The following WDR62 variants were observed in gnomAD, a reference collection of about 807,000 sequenced individuals.
The protein encoded by WDR62 is WD repeat domain 62.
Under a neutral mutation model 160.6 loss-of-function variants are expected in WDR62, and 112 were observed. The observed-to-expected ratio is 0.70, with a 90% CI of 0.60 to 0.82. The LOEUF (loss-of-function observed/expected upper bound fraction) is 0.82. WDR62 is among the 40% of genes least tolerant of loss of function. The pLI is 0.00. For synonymous variants in WDR62, 792 were observed against 815.1 expected (o/e 0.97, Z 0.48); for missense variants, 1,819 against 1,983.8 (o/e 0.92, Z 1.58).
At chr19:36,064,798 G>A (rs926819358) in intron 3 of WDR62, among the ~76,000 whole-genome samples, 9 of 149,706 alleles carry the variant, frequency 6.0e-5, no homozygotes, top group African/African-American at 1.2e-4. Flanking sequence ...GGCTGTTCGC[G>A]AATTCCTGAC....
intron 7 of WDR62, 44 bp downstream of exon 7, chr19:36,068,054 G>A (rs371922352): frequency 1.4e-4 from 223 of 1,586,364 alleles, no homozygotes; most frequent in East Asian, 3.0e-4. Context: ...ACTCTTTCTC[G>A]TGATATGTGT....
At position 36,102,938 on chromosome 19, in the gene WDR62, C is replaced by T; in HGVS notation, c.3336-10C>T. On this transcript the variant is annotated splice_polypyrimidine_tract_variant and intron_variant, in intron 27 of 31. Coordinates refer to ENST00000401500, the MANE Select transcript of WDR62 (RefSeq NM_001083961.2). ...AATGAGAATCATCCCCCCTGCTCTCCTCCCCACAGGTTCACCCATACCTTC... is the reference window on the plus strand; with the variant it reads ...AATGAGAATCATCCCCCCTGCTCTCTTCCCCACAGGTTCACCCATACCTTC... 2 of 1,614,186 alleles carry T rather than the reference C, an allele frequency of 1.2e-6. No individual in the cohort carries two copies. The highest frequency in any genetic ancestry group is 1.7e-6 in the Non-Finnish European group (2 of 1,180,042).
intron 24 of WDR62, 118 bp downstream of exon 24, chr19:36,101,435 CAT>C (rs999678333): frequency 2.6e-5 from 26 of 986,406 alleles, no homozygotes; most frequent in Admixed American, 4.0e-5. Flanking sequence ...GAGGAAGACA[CAT>C]GTGGTCCCTG....
intron 1 of WDR62, among the ~76,000 whole-genome samples, chr19:36,057,924 C>G (rs1413312540): frequency 6.6e-6 from 1 of 152,160 alleles, no homozygotes; most frequent in Non-Finnish European, 1.5e-5. Context: ...AGCCAGACTG[C>G]CTGGGTTTGT....
chr19:36,087,021 G>A (rs1389819316), intron 13 of WDR62, among the ~76,000 whole-genome samples: 3 of 151,922 alleles, frequency 2.0e-5, no homozygotes, highest in Non-Finnish European at 2.9e-5. Flanking sequence ...ATCACCTGAG[G>A]TCAGGAGTTC....
At chr19:36,056,683 C>T (rs970758803) in intron 1 of WDR62, among the ~76,000 whole-genome samples, 8 of 152,216 alleles carry the variant, frequency 5.3e-5, no homozygotes, top group African/African-American at 1.9e-4. Context: ...ATAGCAAATT[C>T]AGAGAGGCGT....
At position 36,104,562 on chromosome 19, in the gene WDR62, C is replaced by T. The variant is rs757914485; in HGVS notation, c.4198C>T (p.Pro1400Ser). 6.8e-6 allele frequency: 11 copies of T among 1,613,596 alleles called. No homozygotes were observed. The highest frequency in any genetic ancestry group is 3.3e-4 in the Middle Eastern group (2 of 6,084). Residue 1400 changes from proline to serine, a missense_variant, in exon 31 of 32, where the codon CCC becomes TCC. Transcript: ENST00000401500. ...GGGCAGCCCTGCCCGCTGGAGTGAG[C>T]CCTGGGTGCCGGTTGAAGCCCTGCC... is the stretch of plus-strand genomic sequence containing the variant. ...LQGSPARWSE[P>S]WVPVEALPPS...
chr19:36,100,417 A>G (rs140152277), intron 22 of WDR62, among the ~76,000 whole-genome samples: 23 of 152,318 alleles, frequency 1.5e-4, no homozygotes, highest in Non-Finnish European at 2.8e-4. Flanking sequence ...TACCTCATAG[A>G]AACCCCCTTC....
At chr19:36,089,393 A>G (rs1387838235) in intron 15 of WDR62, 87 bp downstream of exon 15, 3 of 1,608,428 alleles carry the variant, frequency 1.9e-6, no homozygotes, top group Non-Finnish European at 2.6e-6. Flanking sequence ...CTGGTCCCCA[A>G]GAAGCTGGGA....
chr19:36,063,403 C>T (rs369632899), intron 3 of WDR62, among the ~76,000 whole-genome samples: 7 of 152,158 alleles, frequency 4.6e-5, no homozygotes, highest in East Asian at 1.9e-4. Context: ...CATGCGCCAC[C>T]GTGCCTGGCT....
In WDR62 at chr19:36,100,766, G is replaced by A; in HGVS notation, c.2758G>A (p.Ala920Thr). The A allele has an allele frequency of 6.2e-7, 1 of 1,614,138 alleles. No individual in the cohort carries two copies. The highest frequency in any genetic ancestry group is 8.5e-7 in the Non-Finnish European group (1 of 1,179,996). Residue 920 changes from alanine to threonine, a missense_variant, in exon 23 of 32, where the codon GCT becomes ACT. Physicochemically the swap from Ala to Thr is moderately conservative, Grantham distance 58 (BLOSUM62 0). Transcript: ENST00000401500. ...CCCATAGTCAGAGAGTCCCCAGGAA[G>A]CTGGCCGCGGGCACCCCTCCTTCCT... ...LLSESESPQE[A>T]GRGHPSFLPQ...
In WDR62 at chr19:36,071,722, G is replaced by C. The variant is rs765982883; in HGVS notation, c.1043+6G>C. ...GCACAGGGCCTGGAGCCCAGGTACT[G>C]CCCTGTGGGGAGAGGGAATGGGAGG... is the stretch of plus-strand genomic sequence containing the variant. On this transcript the variant is annotated splice_donor_region_variant and intron_variant, in intron 8 of 31. Coordinates refer to ENST00000401500, the MANE Select transcript of WDR62 (RefSeq NM_001083961.2). The C allele has an allele frequency of 1.2e-5, 20 of 1,607,942 alleles. No individual in the cohort carries two copies. In the Middle Eastern group the frequency reaches 6.6e-4, roughly 53 times the overall value.
rs780307437 is a variant in WDR62 at position 36,060,068 on chromosome 19, A to AG, written c.332+42dup. ...CTGGGCCCGGGGCAGGGGTGGAACC[A>AG]GGGGCTTGGCACGCCTCCCCTCCCC... On this transcript the variant is annotated intron_variant, in intron 3 of 31. Transcript: ENST00000401500. 22 of 1,609,024 alleles carry AG rather than the reference A, an allele frequency of 1.4e-5. No homozygotes were observed. In the Admixed American group the frequency reaches 3.7e-4, roughly 27 times the overall value.
chr19:36,069,281 G>C (rs887950904), intron 7 of WDR62, among the ~76,000 whole-genome samples: 51 of 151,900 alleles, frequency 3.4e-4, no homozygotes, highest in Middle Eastern at 3.4e-3. Context: ...AGACGGGGCG[G>C]CTGCCGGGCG....
At chr19:36,087,490 G>A (rs1256753960) in intron 13 of WDR62, among the ~76,000 whole-genome samples, 1 of 149,162 alleles carries the variant, frequency 6.7e-6, no homozygotes, top group Non-Finnish European at 1.5e-5. Context: ...CAGCTTGGGT[G>A]ACAATGCGAG....
At chr19:36,055,458 C>A (rs1970310878) in intron 1 of WDR62, among the ~76,000 whole-genome samples, 1 of 152,212 alleles carries the variant, frequency 6.6e-6, no homozygotes, top group South Asian at 2.1e-4. Flanking sequence ...GTTCTATCGC[C>A]TTTAGACGTC....
chr19:36,103,325 C>T lies in WDR62; in HGVS notation c.3515-18C>T. 6.2e-7 allele frequency: 1 copy of T among 1,613,514 alleles called. No homozygotes were observed. The highest frequency in any genetic ancestry group is 8.5e-7 in the Non-Finnish European group (1 of 1,180,016). On this transcript the variant is annotated intron_variant, in intron 29 of 31. Transcript: ENST00000401500. ...CAGTTCTGTGTGGTGGAGTCAGTGC[C>T]ATCTGCTTCCGTTACAGCTCCCTGC...
intron 7 of WDR62, among the ~76,000 whole-genome samples, chr19:36,071,305 T>C (rs1277453979): frequency 6.6e-6 from 1 of 152,180 alleles, no homozygotes; most frequent in South Asian, 2.1e-4. Context: ...CACAGCTACG[T>C]TTCTCTGTAG....
chr19:36,098,750 A>C (rs1442935832), intron 21 of WDR62, among the ~76,000 whole-genome samples: 1 of 152,172 alleles, frequency 6.6e-6, no homozygotes, highest in Non-Finnish European at 1.5e-5. Context: ...TGAAATACCT[A>C]CCAGACATCC....
Sources: gnomAD v4.1 joint callset for allele counts (sites outside exome capture counted in the v4.1 genomes callset) on GRCh38, gnomAD v4.1.1 for gene constraint, MANE v1.5 for transcripts, NCBI Gene and HGNC (gene_info 2026-07-23, HGNC 2026-07-21) for gene names.